The following PPP2R2B variants were observed in gnomAD, a reference collection of about 807,000 sequenced individuals.
PPP2R2B encodes serine/threonine-protein phosphatase 2A 55 kDa regulatory subunit B beta isoform.
Under a neutral mutation model 46.0 loss-of-function variants are expected in PPP2R2B, and 5 were observed. The observed-to-expected ratio is 0.11, with a 90% CI of 0.06 to 0.23. The LOEUF (loss-of-function observed/expected upper bound fraction) is 0.23, where lower values mean the gene tolerates loss of function less well. Ranked by LOEUF, PPP2R2B falls within the 10% of genes least tolerant of loss-of-function variation. The pLI is 1.00. For synonymous variants in PPP2R2B, 215 were observed against 206.7 expected, an observed-to-expected ratio of 1.04 and a Z score of -0.34; for missense variants, 367 against 575.0, an observed-to-expected ratio of 0.64 and a Z score of 3.70.
intron 1 of PPP2R2B, among the ~76,000 whole-genome samples, chr5:146,939,172 G>A (rs1186234419): frequency 6.6e-6 from 1 of 152,106 alleles, no homozygotes; most frequent in Non-Finnish European, 1.5e-5. Context: ...TCCAACTGAG[G>A]CCCTGGTTAA....
intron 2 of PPP2R2B, among the ~76,000 whole-genome samples, chr5:146,762,942 T>A (rs1226062639): frequency 6.6e-6 from 1 of 152,222 alleles, no homozygotes; most frequent in Non-Finnish European, 1.5e-5. Flanking sequence ...CTACGGTCAC[T>A]TTGAGTTCTC....
intron 1 of PPP2R2B, among the ~76,000 whole-genome samples, chr5:146,927,001 C>T (rs960711859): frequency 6.6e-6 from 1 of 152,144 alleles, no homozygotes; most frequent in African/African-American, 2.4e-5. Flanking sequence ...GGTTGAGTCT[C>T]CTTCAACATC....
At chr5:146,918,736 T>C (rs144146530) in intron 1 of PPP2R2B, among the ~76,000 whole-genome samples, 1,762 of 152,298 alleles carry the variant, frequency 0.012, 24 homozygotes, top group Non-Finnish European at 0.019. Flanking sequence ...ATATATTCCC[T>C]TGTAACCACA....
At chr5:146,974,850 G>A (rs1752826858) in intron 1 of PPP2R2B, among the ~76,000 whole-genome samples, 2 of 151,694 alleles carry the variant, frequency 1.3e-5, no homozygotes, top group South Asian at 4.2e-4. Flanking sequence ...CACCACACCT[G>A]GCTAATTTTT....
chr5:146,857,620 C>T (rs547380462), intron 2 of PPP2R2B, among the ~76,000 whole-genome samples: 1 of 152,188 alleles, frequency 6.6e-6, no homozygotes, highest in Admixed American at 6.5e-5. Context: ...ACTTATTTGT[C>T]CTCTGTTTTG....
At chr5:146,707,406 G>T in intron 2 of PPP2R2B, 1 of 780,754 alleles carries the variant, frequency 1.3e-6, no homozygotes. Context: ...GCAGGCTCTG[G>T]TTGACTGGGA....
At chr5:146,723,151 A>AG (rs1358939710) in intron 2 of PPP2R2B, among the ~76,000 whole-genome samples, 2 of 152,156 alleles carry the variant, frequency 1.3e-5, no homozygotes, top group Non-Finnish European at 2.9e-5. Flanking sequence ...CCTCATTGAG[A>AG]GAGCATATGT....
chr5:146,742,940 A>G (rs1369228117), intron 2 of PPP2R2B, among the ~76,000 whole-genome samples: 3 of 152,196 alleles, frequency 2.0e-5, no homozygotes, highest in Non-Finnish European at 4.4e-5. Flanking sequence ...CCTAAAGACC[A>G]CAGGAGGCTA....
chr5:146,827,811 C>A (rs1421249218), intron 2 of PPP2R2B, among the ~76,000 whole-genome samples: 2 of 152,102 alleles, frequency 1.3e-5, no homozygotes, highest in African/African-American at 2.4e-5. Flanking sequence ...TTAATAAATC[C>A]TTTAATTCTG....
At chr5:146,918,188 G>T (rs916730695) in intron 1 of PPP2R2B, among the ~76,000 whole-genome samples, 1 of 152,184 alleles carries the variant, frequency 6.6e-6, no homozygotes, top group Non-Finnish European at 1.5e-5. Context: ...AATTCACTGT[G>T]GAGGTAGCAA....
At chr5:146,978,292 T>C (rs1753010208) in intron 1 of PPP2R2B, among the ~76,000 whole-genome samples, 1 of 152,224 alleles carries the variant, frequency 6.6e-6, no homozygotes, top group Non-Finnish European at 1.5e-5. Flanking sequence ...ATGGATAGAC[T>C]GCAAAAATTT....
chr5:146,920,275 C>G (rs1269956841), intron 1 of PPP2R2B, among the ~76,000 whole-genome samples: 6 of 151,992 alleles, frequency 3.9e-5, no homozygotes, highest in Non-Finnish European at 7.4e-5. Flanking sequence ...CCCGTAATAA[C>G]TAGTGACATG....
intron 2 of PPP2R2B, among the ~76,000 whole-genome samples, chr5:146,799,795 A>G (rs1210771738): frequency 6.6e-6 from 1 of 152,244 alleles, no homozygotes; most frequent in Non-Finnish European, 1.5e-5. Context: ...GTTATGAGTA[A>G]AGCCAGGAGG....
chr5:147,053,423 C>T, intron 1 of PPP2R2B, among the ~76,000 whole-genome samples: 1 of 152,162 alleles, frequency 6.6e-6, no homozygotes, highest in African/African-American at 2.4e-5. Context: ...ATTTATTTGA[C>T]TTTCACAGAG....
At chr5:146,843,801 T>C (rs1305870069) in intron 2 of PPP2R2B, among the ~76,000 whole-genome samples, 1 of 152,070 alleles carries the variant, frequency 6.6e-6, no homozygotes, top group Non-Finnish European at 1.5e-5. Context: ...TATGGCTGCA[T>C]AGTATTCCAT....
intron 1 of PPP2R2B, among the ~76,000 whole-genome samples, chr5:146,942,945 C>G (rs1423821538): frequency 2.0e-5 from 3 of 151,956 alleles, no homozygotes; most frequent in Admixed American, 6.6e-5. Flanking sequence ...CTACAGGTGC[C>G]CGCCACCACG....
intron 5 of PPP2R2B, among the ~76,000 whole-genome samples, chr5:146,664,169 G>A (rs1001453144): frequency 6.6e-5 from 10 of 152,126 alleles, no homozygotes; most frequent in African/African-American, 1.9e-4. Context: ...AGACAACAAT[G>A]AAGTTTGCCA....
intron 9 of PPP2R2B, among the ~76,000 whole-genome samples, chr5:146,591,770 A>T (rs1195543526): frequency 3.3e-5 from 5 of 151,678 alleles, no homozygotes; most frequent in Non-Finnish European, 7.4e-5. Context: ...TAGGATTCAA[A>T]CTCTAAACTT....
At position 146,712,929 on chromosome 5, in the gene PPP2R2B, G is replaced by T. The variant is rs1027846306; in HGVS notation, c.71-11787C>A. On this transcript the variant is annotated intron_variant, in intron 2 of 9. Coordinates refer to ENST00000394411, the MANE Select transcript of PPP2R2B (RefSeq NM_181675.4). ...ATTGAACACACCAACTACGTGTAAA[G>T]TACTATTCCAGATATTAAAGAAAGA... Among the ~76,000 whole-genome samples, 3 of 152,270 alleles carry T rather than the reference G, an allele frequency of 2.0e-5. No homozygotes were observed. The East Asian group carries it at 5.8e-4, about 29-fold the overall frequency.
Sources: allele counts gnomAD v4.1 joint callset (sites outside exome capture counted in the v4.1 genomes callset), GRCh38; gene constraint gnomAD v4.1.1; transcripts MANE v1.5; gene names NCBI Gene and HGNC (gene_info 2026-07-23, HGNC 2026-07-21).